Variants in ANKRD2 observed in about 807,000 individuals in gnomAD.
ANKRD2 encodes the protein ankyrin repeat domain-containing protein 2.
A neutral mutation model predicts 37.3 loss-of-function variants in ANKRD2; 35 were observed. The observed-to-expected ratio is 0.94, with a 90% CI of 0.72 to 1.24. The LOEUF (loss-of-function observed/expected upper bound fraction) is 1.24, where lower values mean the gene tolerates loss of function less well. Ranked by LOEUF, ANKRD2 falls within the 50% of genes most tolerant of loss-of-function variation. ANKRD2 has a pLI of 0.00. For missense variants in ANKRD2, 410 were observed against 445.6 expected, an observed-to-expected ratio of 0.92 and a Z score of 0.72; for synonymous variants, 159 against 186.5, an observed-to-expected ratio of 0.85 and a Z score of 1.20.
Position 97,578,621 on chromosome 10 carries a change from G to C in ANKRD2, c.456+16G>C. 6.5e-7 allele frequency: 1 copy of C among 1,533,604 alleles called. No individual in the cohort carries two copies. Among genetic ancestry groups the C allele is most frequent in the Non-Finnish European group, 8.8e-7 (1 of 1,134,580 alleles). 95.0% of individuals were successfully genotyped at this position (1,533,604 alleles called of 1,614,324 possible). A position where few individuals can be genotyped will look rare whatever the true frequency, so the allele number is the denominator to read the frequency against. ...GTGCGACCAGGTGATGCTCCTAGCC[G>C]CCCCTGACCAGCCTCCCTGTCAGTT... On this transcript the variant is annotated intron_variant, in intron 4 of 8. Transcript: ENST00000370655.
intron 6 of ANKRD2, 38 bp from the exon 7 acceptor site, chr10:97,582,277 G>A (rs1445295565): frequency 6.5e-7 from 1 of 1,532,262 alleles, no homozygotes. Flanking sequence ...CACAGTTCAG[G>A]CCCCGTCAAC....
At chr10:97,581,171 G>A in intron 5 of ANKRD2, 145 bp from the exon 6 acceptor site, 4 of 850,282 alleles carry the variant, frequency 4.7e-6, no homozygotes, top group Non-Finnish European at 7.5e-6. Context: ...GTGTTCTTCT[G>A]TTCCACTTGG....
chr10:97,579,801 A>G (rs2040874656), intron 4 of ANKRD2, among the ~76,000 whole-genome samples: 1 of 152,020 alleles, frequency 6.6e-6, no homozygotes, highest in Non-Finnish European at 1.5e-5. Flanking sequence ...TTGGCCCTTG[A>G]CAACAAGCTG....
intron 1 of ANKRD2, among the ~76,000 whole-genome samples, chr10:97,576,618 C>T (rs2040828857): frequency 6.6e-6 from 1 of 151,922 alleles, no homozygotes; most frequent in Non-Finnish European, 1.5e-5. Context: ...AAGTAATCAT[C>T]TCTCATCATA....
In ANKRD2 at chr10:97,583,717, G is replaced by C. The variant is rs781246969; in HGVS notation, c.994G>C (p.Ala332Pro). 4.5e-6 allele frequency: 7 copies of C among 1,544,576 alleles called. No individual in the cohort carries two copies. Among genetic ancestry groups the C allele is most frequent in the Non-Finnish European group, 6.1e-6 (7 of 1,146,734 alleles). Residue 332 changes from alanine to proline, a missense_variant, in exon 9 of 9, where the codon GCC becomes CCC. Coordinates refer to ENST00000370655, the MANE Select transcript of ANKRD2 (RefSeq NM_001346793.2). ...GCGAGAGACCCCTCAGCCTGTGCCA[G>C]CCCAGTGAATGCGTGCCCCAGCCCA... ...SGRETPQPVP[A>P]Q
intron 5 of ANKRD2, 120 bp downstream of exon 5, chr10:97,581,073 C>T: frequency 1.1e-6 from 1 of 943,938 alleles, no homozygotes; most frequent in Non-Finnish European, 1.6e-6. Context: ...TGCCAGACTC[C>T]ACCTCAGTGG....
upstream of ANKRD2, chr10:97,572,603 GC>G: frequency 7.2e-7 from 1 of 1,380,108 alleles, no homozygotes; most frequent in South Asian, 1.5e-5. Flanking sequence ...AGTTGGGGGG[GC>G]AACTGGCTCT....
At chr10:97,579,152 CATAT>C (rs997961019) in intron 4 of ANKRD2, among the ~76,000 whole-genome samples, 99 of 150,396 alleles carry the variant, frequency 6.6e-4, no homozygotes, top group Non-Finnish European at 1.1e-3. Context: ...TGTCTCTATA[CATAT>C]ATAGATAAAG....
At position 97,578,276 on chromosome 10, in the gene ANKRD2, C is replaced by A. The variant is rs761713500; in HGVS notation, c.226C>A (p.Arg76=). Residue 76 remains arginine, a synonymous_variant, in exon 3 of 9, where the codon CGG becomes AGG. Coordinates refer to ENST00000370655, the MANE Select transcript of ANKRD2 (RefSeq NM_001346793.2). ...ERVRKTSLDL[R]REIIDVGGIQ... is the part of the protein sequence containing the mutation. ...CGTGCGCAAGACGTCCCTGGACCTG[C>A]GGCGGGAGATCATCGATGTGGGCGG... 2.5e-6 allele frequency: 4 copies of A among 1,612,872 alleles called. 1 individual carries two copies. The South Asian group carries it at 3.3e-5, about 13-fold the overall frequency.
intron 1 of ANKRD2, among the ~76,000 whole-genome samples, chr10:97,576,918 G>C (rs931659843): frequency 6.6e-6 from 1 of 151,886 alleles, no homozygotes; most frequent in African/African-American, 2.4e-5. Context: ...GGCTGGTCTC[G>C]AACTCCTGGG....
intron 6 of ANKRD2, 124 bp downstream of exon 6, chr10:97,581,538 A>G: frequency 1.0e-6 from 1 of 955,824 alleles, no homozygotes; most frequent in Non-Finnish European, 1.6e-6. Context: ...CTGGCTGCAG[A>G]GCAGGGAAGC....
chr10:97,582,179 C>G, intron 6 of ANKRD2, 136 bp from the exon 7 acceptor site: 1 of 672,946 alleles, frequency 1.5e-6, no homozygotes, highest in South Asian at 1.8e-5. Flanking sequence ...GTACCATTCT[C>G]TGCCCCTCCA....
intron 4 of ANKRD2, 88 bp from the exon 5 acceptor site, chr10:97,580,767 G>T (rs780615575): frequency 3.5e-5 from 34 of 958,296 alleles, no homozygotes; most frequent in Non-Finnish European, 4.9e-5. Context: ...GAATCAAGCT[G>T]GGGGGAAGGC....
chr10:97,578,638 C>A, intron 4 of ANKRD2, 33 bp downstream of exon 4: 1 of 1,490,654 alleles, frequency 6.7e-7, no homozygotes, highest in Non-Finnish European at 9.1e-7. Context: ...ACCAGCCTCC[C>A]TGTCAGTTGC....
chr10:97,573,068 A>G (rs2040781100), intron 1 of ANKRD2, among the ~76,000 whole-genome samples, 193 bp downstream of exon 1: 1 of 152,140 alleles, frequency 6.6e-6, no homozygotes, highest in South Asian at 2.1e-4. Context: ...CTGAGGCTTC[A>G]GCCTTCAAAA....
At chr10:97,575,839 A>C (rs1238621526) in intron 1 of ANKRD2, among the ~76,000 whole-genome samples, 1 of 150,350 alleles carries the variant, frequency 6.7e-6, no homozygotes, top group African/African-American at 2.5e-5. Flanking sequence ...TGAACCTAGG[A>C]AGTGGAGGTT....
chr10:97,576,807 G>C (rs1002862676), intron 1 of ANKRD2, among the ~76,000 whole-genome samples: 3 of 150,696 alleles, frequency 2.0e-5, no homozygotes, highest in African/African-American at 7.3e-5. Flanking sequence ...AGTGATTCTT[G>C]TGCTTCAGCC....
intron 4 of ANKRD2, 80 bp from the exon 5 acceptor site, chr10:97,580,775 G>C: frequency 1.9e-6 from 2 of 1,051,180 alleles, no homozygotes; most frequent in Non-Finnish European, 2.8e-6. Flanking sequence ...CTGGGGGGAA[G>C]GCCTGGGCCT....
In ANKRD2 at chr10:97,582,362, G is replaced by T; in HGVS notation, c.702G>T (p.Glu234Asp). The T allele has an allele frequency of 6.4e-7, 1 of 1,562,264 alleles. No individual in the cohort carries two copies. Among genetic ancestry groups the T allele is most frequent in the Non-Finnish European group, 8.7e-7 (1 of 1,152,580 alleles). Residue 234 changes from glutamate (E) to aspartate (D), a missense_variant, in exon 7 of 9, where the codon GAG (glutamate) becomes GAT (aspartate). Physicochemically the swap from Glu to Asp is conservative, Grantham distance 45. Transcript: ENST00000370655. The part of the protein sequence containing the change: ...LHVAVRTGQV[E>D]IVEHFLSLGL... ...TGGCAGTCCGGACAGGGCAGGTGGA[G>T]ATTGTGGAGCACTTTCTATCCCTGG...
Sources: allele counts gnomAD v4.1 joint callset (sites outside exome capture counted in the v4.1 genomes callset), GRCh38; gene constraint gnomAD v4.1.1; transcripts MANE v1.5; gene names NCBI Gene and HGNC (gene_info 2026-07-23, HGNC 2026-07-21).